Variants in HDGFL3 observed in about 807,000 individuals in gnomAD.
The protein encoded by HDGFL3 is hepatoma-derived growth factor-related protein 3.
A neutral mutation model predicts 27.6 loss-of-function variants in HDGFL3; 6 were observed. That is an observed-to-expected ratio of 0.22 (90% confidence interval 0.12 to 0.43). The LOEUF (loss-of-function observed/expected upper bound fraction) is 0.43, where lower values mean the gene tolerates loss of function less well. Ranked by LOEUF, HDGFL3 falls within the 20% of genes least tolerant of loss-of-function variation. The pLI is 1.00. For missense variants in HDGFL3, 207 were observed against 250.1 expected, an observed-to-expected ratio of 0.83 and a Z score of 1.16; for synonymous variants, 88 against 88.9, an observed-to-expected ratio of 0.99 and a Z score of 0.05.
intron 4 of HDGFL3, among the ~76,000 whole-genome samples, chr15:83,156,857 C>T (rs945881574): frequency 2.6e-5 from 4 of 152,088 alleles, no homozygotes; most frequent in Non-Finnish European, 5.9e-5. Context: ...CCATGCCCAG[C>T]TAATTTTGCT....
intron 5 of HDGFL3, among the ~76,000 whole-genome samples, chr15:83,148,052 C>G (rs12441585): frequency 6.6e-6 from 1 of 151,964 alleles, no homozygotes; most frequent in Non-Finnish European, 1.5e-5. Context: ...AATCAGAGAA[C>G]TATAAATTAA....
chr15:83,186,033 A>G (rs945496392), intron 1 of HDGFL3: 1 of 152,298 alleles, frequency 6.6e-6, no homozygotes, highest in Non-Finnish European at 1.5e-5. Flanking sequence ...CCCTTAGGCC[A>G]ACAACCCATG....
chr15:83,112,801 T>C, exon 4 of HDGFL3: 1 of 1,613,730 alleles, frequency 6.2e-7, no homozygotes. Context: ...TTGCAGTTCC[T>C]GGACTATTGT....
rs944978469 is a variant in HDGFL3 at position 83,128,245 on chromosome 15, T to C, written c.*11025A>G. 3.3e-5 allele frequency: 5 copies of C among 152,228 alleles called. No homozygotes were observed. The highest frequency in any genetic ancestry group is 4.4e-5 in the Non-Finnish European group (3 of 68,044). The allele number at this position is 152,228 out of a possible 1,614,324, so 9.4% of individuals were successfully genotyped here. ...TGTACAGTCAATTATATGCATGGTA[T>C]AATAATCATGATCGTAAGACATACT... On this transcript the variant is annotated 3_prime_UTR_variant, in exon 6 of 6. Transcript: ENST00000299633.
intron 5 of HDGFL3, among the ~76,000 whole-genome samples, chr15:83,145,868 T>TC (rs2036879679): frequency 6.6e-6 from 1 of 151,048 alleles, no homozygotes; most frequent in African/African-American, 2.4e-5. Context: ...TTTCTTTTTT[T>TC]TTTTTCTCTC....
intron 3 of HDGFL3, among the ~76,000 whole-genome samples, chr15:83,119,404 C>A (rs970847258): frequency 1.4e-4 from 21 of 152,236 alleles, no homozygotes; most frequent in African/African-American, 5.1e-4. Flanking sequence ...CTGGTTTTGG[C>A]AGCTCCAGCG....
At chr15:83,126,788 TTATA>T (rs775131968), downstream of HDGFL3, 10 of 1,613,892 alleles carry the variant, frequency 6.2e-6, no homozygotes, top group Non-Finnish European at 8.5e-6. Flanking sequence ...GCTCTGCCGA[TTATA>T]TACGCAATTT....
At chr15:83,116,971 C>T (rs72755992) in intron 3 of HDGFL3, among the ~76,000 whole-genome samples, 30,914 of 152,078 alleles carry the variant, frequency 0.2, 3,290 homozygotes, top group Admixed American at 0.22. Flanking sequence ...CTGCTCCCTG[C>T]CCCCTGGGAG....
intron 1 of HDGFL3, among the ~76,000 whole-genome samples, chr15:83,201,972 C>A (rs1222583956): frequency 6.6e-6 from 1 of 152,104 alleles, no homozygotes; most frequent in East Asian, 1.9e-4. Context: ...ATTATAAACA[C>A]CTTACTTTAT....
At chr15:83,181,567 C>T (rs896213309) in intron 1 of HDGFL3, among the ~76,000 whole-genome samples, 3 of 152,186 alleles carry the variant, frequency 2.0e-5, no homozygotes, top group African/African-American at 7.2e-5. Flanking sequence ...CCTCCGCCTC[C>T]TGGGTTCAAG....
chr15:83,186,284 CAA>C (rs2037441399), intron 1 of HDGFL3, among the ~76,000 whole-genome samples: 2 of 152,176 alleles, frequency 1.3e-5, no homozygotes, highest in Admixed American at 6.5e-5. Flanking sequence ...GAAGAAACTA[CAA>C]AAAGAGTTCA....
chr15:83,117,334 C>T (rs1406519185), intron 3 of HDGFL3, among the ~76,000 whole-genome samples: 1 of 152,048 alleles, frequency 6.6e-6, no homozygotes, highest in African/African-American at 2.4e-5. Flanking sequence ...AGGTCTTGAG[C>T]TCTGAGGAGC....
Position 83,131,187 on chromosome 15 carries a change from A to G in HDGFL3, c.*8083T>C, listed in dbSNP as rs992578448. 6.6e-6 allele frequency: 1 copy of G among 152,216 alleles called. No homozygotes were observed. The highest frequency in any genetic ancestry group is 2.4e-5 in the African/African-American group (1 of 41,450). The allele number at this position is 152,216 out of a possible 1,614,324, so 9.4% of individuals were successfully genotyped here. ...CTTGCTAAAATTGCCATTCTTATTT[A>G]GAAACCTTATGCATTCATGATCCCA... On this transcript the variant is annotated 3_prime_UTR_variant, in exon 6 of 6. Transcript: ENST00000299633.
At chr15:83,125,223 G>C (rs2046219906), downstream of HDGFL3, among the ~76,000 whole-genome samples, 2 of 152,194 alleles carry the variant, frequency 1.3e-5, no homozygotes, top group South Asian at 4.2e-4. Context: ...GTAGGGTCAT[G>C]GGAATGTCTC....
chr15:83,179,152 C>T (rs1246709174), intron 1 of HDGFL3: 1 of 152,306 alleles, frequency 6.6e-6, no homozygotes, highest in Non-Finnish European at 1.5e-5. Flanking sequence ...CCTCTTGATA[C>T]TACAAAACCT....
At chr15:83,150,180 G>A (rs1213458256) in intron 5 of HDGFL3, among the ~76,000 whole-genome samples, 2 of 152,128 alleles carry the variant, frequency 1.3e-5, no homozygotes, top group Non-Finnish European at 2.9e-5. Context: ...AATAAGTTTG[G>A]TAGTAAAGGG....
At chr15:83,168,294 GA>G (rs1354041925) in intron 1 of HDGFL3, among the ~76,000 whole-genome samples, 8 of 141,868 alleles carry the variant, frequency 5.6e-5, no homozygotes, top group Non-Finnish European at 4.6e-5. Context: ...AAGAAGAAAA[GA>G]AATACCAAAA....
At chr15:83,169,892 T>C (rs2151409515) in intron 1 of HDGFL3, among the ~76,000 whole-genome samples, 1 of 152,262 alleles carries the variant, frequency 6.6e-6, no homozygotes, top group African/African-American at 2.4e-5. Flanking sequence ...ACAAAATCAA[T>C]GTACAAAAAT....
chr15:83,127,045 C>G (rs991764996), downstream of HDGFL3, among the ~76,000 whole-genome samples: 3 of 151,904 alleles, frequency 2.0e-5, no homozygotes, highest in Non-Finnish European at 4.4e-5. Context: ...ATACAAAAAA[C>G]TAGCCGGGCA....
Sources: allele counts gnomAD v4.1 joint callset (sites outside exome capture counted in the v4.1 genomes callset), GRCh38; gene constraint gnomAD v4.1.1; transcripts MANE v1.5; gene names NCBI Gene and HGNC (gene_info 2026-07-23, HGNC 2026-07-21).